TMEFF2: variants seen among roughly 807,000 people sequenced by gnomAD.
The protein encoded by TMEFF2 is transmembrane protein with EGF like and two follistatin like domains 2.
Under a neutral mutation model 53.8 loss-of-function variants are expected in TMEFF2, and 28 were observed. The ratio of observed to expected loss-of-function variants is 0.52; its 90% CI spans 0.39 to 0.71. The LOEUF is 0.71. TMEFF2 is among the 30% of genes least tolerant of loss of function. The probability of loss-of-function intolerance (pLI) is 0.00; values close to 1 mark genes in which losing one functional copy is unlikely to be tolerated. For missense variants in TMEFF2, 353 were observed against 455.2 expected, an observed-to-expected ratio of 0.78 and a Z score of 2.04; for synonymous variants, 162 against 166.3, an observed-to-expected ratio of 0.97 and a Z score of 0.20.
chr2:191,987,488 C>G (rs920164475), intron 7 of TMEFF2, among the ~76,000 whole-genome samples: 2 of 151,854 alleles, frequency 1.3e-5, no homozygotes, highest in Non-Finnish European at 2.9e-5. Context: ...CTCACTGCAA[C>G]CTTGGACTCT....
intron 4 of TMEFF2, among the ~76,000 whole-genome samples, chr2:192,168,384 A>G (rs1361131051): frequency 6.6e-6 from 1 of 152,110 alleles, no homozygotes; most frequent in East Asian, 1.9e-4. Context: ...CATCAAATGG[A>G]ATTCCAAATA....
At chr2:192,113,068 A>G (rs933720251) in intron 4 of TMEFF2, among the ~76,000 whole-genome samples, 9 of 152,204 alleles carry the variant, frequency 5.9e-5, no homozygotes, top group African/African-American at 2.2e-4. Context: ...CTGAAAATCT[A>G]TATTTTGTAT....
intron 4 of TMEFF2, among the ~76,000 whole-genome samples, chr2:192,164,533 T>C (rs1292704761): frequency 6.6e-6 from 1 of 151,946 alleles, no homozygotes; most frequent in African/African-American, 2.4e-5. Context: ...ATCAAGACCA[T>C]CCTGGCCAAC....
At chr2:191,964,942 T>G (rs1358076170) in intron 7 of TMEFF2, among the ~76,000 whole-genome samples, 1 of 152,166 alleles carries the variant, frequency 6.6e-6, no homozygotes, top group African/African-American at 2.4e-5. Context: ...CTTGTTCTTT[T>G]TGGTTGGTCC....
intron 5 of TMEFF2, among the ~76,000 whole-genome samples, chr2:192,043,070 G>A (rs552176961): frequency 6.6e-6 from 1 of 152,152 alleles, no homozygotes; most frequent in African/African-American, 2.4e-5. Flanking sequence ...GGCAGTACTC[G>A]ACTGCCAAAA....
At chr2:192,037,554 AC>A (rs1439999422) in intron 5 of TMEFF2, among the ~76,000 whole-genome samples, 10 of 149,886 alleles carry the variant, frequency 6.7e-5, no homozygotes, top group African/African-American at 2.5e-4. Context: ...ATCTTCTCTG[AC>A]CTATGATGAG....
intron 4 of TMEFF2, among the ~76,000 whole-genome samples, chr2:192,126,175 A>G (rs1293106852): frequency 2.0e-5 from 3 of 152,230 alleles, no homozygotes; most frequent in East Asian, 3.8e-4. Flanking sequence ...AATAATACGC[A>G]CCATGAATTA....
Position 191,949,749 on chromosome 2 carries a change from A to G in TMEFF2, c.*562T>C, listed in dbSNP as rs1691812189. 1 of 985,406 alleles carries G rather than the reference A, an allele frequency of 1.0e-6. No individual in the cohort carries two copies. Among genetic ancestry groups the G allele is most frequent in the Non-Finnish European group, 1.2e-6 (1 of 829,878 alleles). The allele number at this position is 985,406 out of a possible 1,614,324, so 61.0% of individuals were successfully genotyped here. A position where few individuals can be genotyped will look rare whatever the true frequency, so the allele number is the denominator to read the frequency against. ...TCTGCTCTAGGGATGAAAATGGAAG[A>G]CCAGGGAAGAAAGTTGATGAAATAG... On this transcript the variant is annotated 3_prime_UTR_variant, in exon 10 of 10. Coordinates refer to ENST00000272771, the MANE Select transcript of TMEFF2 (RefSeq NM_016192.4).
chr2:192,152,559 G>A (rs139977589), intron 4 of TMEFF2, among the ~76,000 whole-genome samples: 5 of 152,058 alleles, frequency 3.3e-5, no homozygotes, highest in Admixed American at 6.6e-5. Flanking sequence ...TCTTATTCAC[G>A]TTTTAAAGAC....
intron 5 of TMEFF2, among the ~76,000 whole-genome samples, chr2:192,012,410 C>T (rs1431473829): frequency 2.0e-5 from 3 of 152,126 alleles, no homozygotes; most frequent in Non-Finnish European, 4.4e-5. Flanking sequence ...TGAGACTTGA[C>T]AGTTATCAGG....
chr2:191,982,500 C>T (rs1197257812), intron 7 of TMEFF2, among the ~76,000 whole-genome samples: 1 of 30,428 alleles, frequency 3.3e-5, no homozygotes, highest in African/African-American at 1.2e-4. Context: ...ACAATGAAAA[C>T]AGGCAAAAAA....
Position 192,194,095 on chromosome 2 carries a change from CCT to C in TMEFF2, c.172+256_172+257del, listed in dbSNP as rs768818341. 4.6e-5 allele frequency among the ~76,000 whole-genome samples: 7 copies of C among 152,160 alleles called. No individual in the cohort carries two copies. The highest frequency in any genetic ancestry group is 8.8e-5 in the Non-Finnish European group (6 of 68,034). Reference sequence around the variant, plus strand: ...CATCCCGTTTAATATTTCTCAAAATCCTCGCAGCTCCAATGTAAGCGCAAGCA... The same window carrying C: ...CATCCCGTTTAATATTTCTCAAAATCCGCAGCTCCAATGTAAGCGCAAGCA... On this transcript the variant is annotated intron_variant, in intron 1 of 9. Transcript: ENST00000272771. The surrounding 1 kb of genome is among the most constrained non-coding windows in gnomAD (Gnocchi z 4.2).
intron 5 of TMEFF2, among the ~76,000 whole-genome samples, chr2:192,049,698 A>C (rs1687716796): frequency 3.3e-5 from 5 of 152,148 alleles, no homozygotes. Context: ...AAAAGCAAGC[A>C]AAGATTTAAA....
intron 7 of TMEFF2, among the ~76,000 whole-genome samples, chr2:191,995,309 GA>G (rs1187976254): frequency 2.0e-5 from 3 of 151,892 alleles, no homozygotes; most frequent in Non-Finnish European, 4.4e-5. Context: ...TAGGCTCAAA[GA>G]AAAAACTGAG....
At chr2:192,185,550 A>C (rs1202671717) in intron 2 of TMEFF2, among the ~76,000 whole-genome samples, 6 of 152,098 alleles carry the variant, frequency 3.9e-5, no homozygotes, top group Admixed American at 2.0e-4. Flanking sequence ...GAATACATAC[A>C]AAATAAACCA....
At chr2:192,017,547 C>G (rs1686769867) in intron 5 of TMEFF2, among the ~76,000 whole-genome samples, 1 of 152,172 alleles carries the variant, frequency 6.6e-6, no homozygotes, top group Admixed American at 6.5e-5. Flanking sequence ...CTTTTTCTCA[C>G]TTGTTGTGTT....
At chr2:192,111,147 G>A (rs189558481) in intron 4 of TMEFF2, among the ~76,000 whole-genome samples, 208 of 152,286 alleles carry the variant, frequency 1.4e-3, no homozygotes, top group Non-Finnish European at 2.2e-3. Flanking sequence ...CTGCTGTAAA[G>A]ATACCCAAAA....
chr2:192,001,935 T>G (rs956570672), intron 5 of TMEFF2, among the ~76,000 whole-genome samples: 1 of 152,222 alleles, frequency 6.6e-6, no homozygotes, highest in African/African-American at 2.4e-5. Context: ...AATCAGTGTT[T>G]CACTGAAAAA....
chr2:192,054,543 T>C (rs1687855754), intron 5 of TMEFF2, among the ~76,000 whole-genome samples: 1 of 152,138 alleles, frequency 6.6e-6, no homozygotes, highest in Non-Finnish European at 1.5e-5. Flanking sequence ...CTTCATACCA[T>C]GGATCTGAAC....
Sources: gnomAD v4.1 joint callset for allele counts (sites outside exome capture counted in the v4.1 genomes callset) on GRCh38, gnomAD v4.1.1 for gene constraint, Gnocchi (gnomAD v3.1) non-coding constraint, MANE v1.5 for transcripts, NCBI Gene and HGNC (gene_info 2026-07-23, HGNC 2026-07-21) for gene names.